Variants in CACNA2D1 observed in about 807,000 individuals in gnomAD.
The protein encoded by CACNA2D1 is calcium voltage-gated channel auxiliary subunit alpha2delta 1.
CACNA2D1 carries 53 observed loss-of-function variants against 171.5 expected under a neutral mutation model. The ratio of observed to expected loss-of-function variants is 0.31; its 90% CI spans 0.25 to 0.39. CACNA2D1 has a LOEUF of 0.39. CACNA2D1 is among the 10% of genes least tolerant of loss of function. The pLI is 1.00. For missense variants in CACNA2D1, 903 were observed against 1,299.8 expected (o/e 0.69, Z 4.69); for synonymous variants, 442 against 443.1 (o/e 1.00, Z 0.03).
chr7:82,433,757 A>T (rs1474852240), intron 1 of CACNA2D1, among the ~76,000 whole-genome samples: 1 of 152,098 alleles, frequency 6.6e-6, no homozygotes, highest in Non-Finnish European at 1.5e-5. Flanking sequence ...CACCCTTCTC[A>T]CCAGAGCCTT....
intron 21 of CACNA2D1, 52 bp downstream of exon 21, chr7:81,991,133 C>T (rs1797499758): frequency 1.1e-6 from 1 of 899,056 alleles, no homozygotes; most frequent in Non-Finnish European, 1.9e-6. Flanking sequence ...AAAATGCAGA[C>T]TTAATATTAA....
rs369072139 is a variant in CACNA2D1 at position 81,949,436 on chromosome 7, ACTACACT to A, written c.*949_*955del. ...ATATCACTCAGTTAACTTTTCAATG[ACTACACT>A]CTACAGTAAGAGAAAAAACAACTGA... On this transcript the variant is annotated 3_prime_UTR_variant, in exon 39 of 39. Coordinates refer to ENST00000356860, the MANE Select transcript of CACNA2D1 (RefSeq NM_000722.4). 5.9e-5 allele frequency: 9 copies of A among 152,186 alleles called. No homozygotes were observed. The highest frequency in any genetic ancestry group is 2.2e-4 in the African/African-American group (9 of 41,548). 9.4% of individuals were successfully genotyped at this position (152,186 alleles called of 1,614,324 possible).
chr7:82,098,736 G>A (rs538174425), intron 6 of CACNA2D1, among the ~76,000 whole-genome samples: 3 of 152,112 alleles, frequency 2.0e-5, no homozygotes, highest in South Asian at 4.1e-4. Flanking sequence ...CCATCAATGC[G>A]TGACTCTTCT....
chr7:82,186,001 A>G (rs887749117), intron 3 of CACNA2D1, among the ~76,000 whole-genome samples: 16 of 151,802 alleles, frequency 1.1e-4, no homozygotes, highest in African/African-American at 3.4e-4. Flanking sequence ...TACTAATAAT[A>G]CAAAAATTAG....
chr7:82,291,579 A>C, intron 3 of CACNA2D1, among the ~76,000 whole-genome samples: 1 of 141,848 alleles, frequency 7.0e-6, no homozygotes, highest in Non-Finnish European at 1.5e-5. Flanking sequence ...ATATTTATAT[A>C]TACTAGATAT....
intron 5 of CACNA2D1, among the ~76,000 whole-genome samples, chr7:82,125,018 T>C (rs900989618): frequency 4.6e-5 from 7 of 152,198 alleles, no homozygotes; most frequent in Admixed American, 3.9e-4. Context: ...TGCTATAAAG[T>C]AAAATATAAT....
chr7:82,158,234 A>C (rs1156402826), intron 4 of CACNA2D1, among the ~76,000 whole-genome samples: 1 of 151,992 alleles, frequency 6.6e-6, no homozygotes, highest in Non-Finnish European at 1.5e-5. Flanking sequence ...TAAAGCAAGA[A>C]TACAATTTAT....
intron 5 of CACNA2D1, among the ~76,000 whole-genome samples, chr7:82,119,589 T>G (rs1269297458): frequency 6.6e-6 from 1 of 152,178 alleles, no homozygotes; most frequent in Non-Finnish European, 1.5e-5. Flanking sequence ...ATTTTGTTCT[T>G]TTTCATGTTA....
chr7:82,131,476 TA>T (rs1222298182), intron 5 of CACNA2D1, among the ~76,000 whole-genome samples: 2 of 152,224 alleles, frequency 1.3e-5, no homozygotes, highest in Non-Finnish European at 2.9e-5. Flanking sequence ...TAATTTTGAG[TA>T]CTGCCTGATT....
At chr7:82,146,312 G>A (rs71557117) in intron 4 of CACNA2D1, among the ~76,000 whole-genome samples, 1 of 79,612 alleles carries the variant, frequency 1.3e-5, no homozygotes, top group East Asian at 5.3e-4. Context: ...ATATATATAC[G>A]TGTGTGTGTG....
chr7:81,996,465 A>C (rs1238705776), intron 19 of CACNA2D1, among the ~76,000 whole-genome samples: 2 of 152,020 alleles, frequency 1.3e-5, no homozygotes, highest in Admixed American at 6.6e-5. Flanking sequence ...AATCCTAAAA[A>C]TCTGTAATCT....
At chr7:82,005,211 T>C (rs1798997497) in intron 18 of CACNA2D1, 1 of 525,268 alleles carries the variant, frequency 1.9e-6, no homozygotes, top group Non-Finnish European at 3.4e-6. Context: ...GATAAAAATG[T>C]TGCAGCTAAA....
chr7:82,438,740 A>G (rs996840265), intron 1 of CACNA2D1, among the ~76,000 whole-genome samples: 1 of 152,190 alleles, frequency 6.6e-6, no homozygotes, highest in African/African-American at 2.4e-5. Flanking sequence ...TGCTTGATGC[A>G]CACTGTAAGC....
intron 7 of CACNA2D1, among the ~76,000 whole-genome samples, chr7:82,081,338 G>A (rs940996599): frequency 6.6e-6 from 1 of 151,988 alleles, no homozygotes; most frequent in African/African-American, 2.4e-5. Flanking sequence ...CTGTGTTTTT[G>A]TGTTAAAAAC....
At chr7:82,024,932 T>G (rs1185755038) in intron 12 of CACNA2D1, among the ~76,000 whole-genome samples, 1 of 151,602 alleles carries the variant, frequency 6.6e-6, no homozygotes, top group Admixed American at 6.6e-5. Flanking sequence ...TGCACCCTTA[T>G]AGAGGATCAA....
chr7:81,953,966 T>G (rs1792909692), intron 38 of CACNA2D1, among the ~76,000 whole-genome samples: 1 of 152,110 alleles, frequency 6.6e-6, no homozygotes. Flanking sequence ...TTTAGATAAG[T>G]TATTTGGGCT....
At chr7:82,217,522 T>C (rs1429835966) in intron 3 of CACNA2D1, among the ~76,000 whole-genome samples, 8 of 149,678 alleles carry the variant, frequency 5.3e-5, no homozygotes, top group Non-Finnish European at 8.9e-5. Flanking sequence ...AAGTTTTTTT[T>C]TAATGAAAGA....
chr7:82,307,625 C>T (rs1813906618), intron 3 of CACNA2D1, among the ~76,000 whole-genome samples: 1 of 151,476 alleles, frequency 6.6e-6, no homozygotes, highest in Non-Finnish European at 1.5e-5. Context: ...GATCATTTTC[C>T]CCTCCAAGGA....
intron 3 of CACNA2D1, among the ~76,000 whole-genome samples, chr7:82,276,754 C>CTTTTTTT (rs199823327): frequency 1.4e-5 from 2 of 138,630 alleles, no homozygotes. Context: ...TTTTCTTTTT[C>CTTTTTTT]TTTTTTTTTT....
Sources: gnomAD v4.1 joint callset for allele counts (sites outside exome capture counted in the v4.1 genomes callset) on GRCh38, gnomAD v4.1.1 for gene constraint, MANE v1.5 for transcripts, NCBI Gene and HGNC (gene_info 2026-07-23, HGNC 2026-07-21) for gene names.